The following SEMA3E variants were observed in gnomAD, a reference collection of about 807,000 sequenced individuals.
The protein encoded by SEMA3E is semaphorin-3E.
Under a neutral mutation model 93.6 loss-of-function variants are expected in SEMA3E, and 49 were observed. The observed-to-expected ratio is 0.52, with a 90% CI of 0.42 to 0.66. SEMA3E has a LOEUF of 0.66. Ranked by LOEUF, SEMA3E falls within the 30% of genes least tolerant of loss-of-function variation. SEMA3E has a pLI of 0.00. For synonymous variants in SEMA3E, 363 were observed against 330.7 expected (o/e 1.10, Z -1.06); for missense variants, 906 against 964.8 (o/e 0.94, Z 0.81).
chr7:83,582,724 T>A (rs1792539386), intron 1 of SEMA3E, among the ~76,000 whole-genome samples: 1 of 152,136 alleles, frequency 6.6e-6, no homozygotes, highest in Non-Finnish European at 1.5e-5. Flanking sequence ...ATCTCTCCTT[T>A]GAATTTTTTT....
chr7:83,494,824 C>G (rs2535379), intron 1 of SEMA3E, among the ~76,000 whole-genome samples: 132,873 of 151,868 alleles, frequency 0.87, 58,303 homozygotes, highest in South Asian at 0.95. Flanking sequence ...CCTGCATTTC[C>G]CAATTCAAAT....
chr7:83,510,208 A>T (rs1790789062), intron 1 of SEMA3E, among the ~76,000 whole-genome samples: 1 of 152,184 alleles, frequency 6.6e-6, no homozygotes, highest in African/African-American at 2.4e-5. Flanking sequence ...TCCATTTTTA[A>T]TTAAGCAAGT....
intron 5 of SEMA3E, among the ~76,000 whole-genome samples, chr7:83,415,841 C>T (rs1788528481): frequency 6.6e-6 from 1 of 151,950 alleles, no homozygotes; most frequent in African/African-American, 2.4e-5. Context: ...TATAATTAAC[C>T]ATGAAACTAA....
chr7:83,629,565 A>G lies in SEMA3E; in HGVS notation c.115+18863T>C, dbSNP rs1305004849. Among the ~76,000 whole-genome samples, 4 of 152,052 alleles carry G rather than the reference A, an allele frequency of 2.6e-5. No homozygotes were observed. In the South Asian group the frequency reaches 6.2e-4, roughly 24 times the overall value. On this transcript the variant is annotated intron_variant, in intron 1 of 16. Transcript: ENST00000643230. ...CTACGATGGGCTCTGCCCTATCTGA[A>G]TTTCCCGGTGGCTGTGTTTATACTG...
intron 1 of SEMA3E, among the ~76,000 whole-genome samples, chr7:83,641,657 T>G (rs1162890636): frequency 2.0e-5 from 3 of 152,236 alleles, no homozygotes; most frequent in African/African-American, 7.2e-5. Context: ...CTTCTAGTTA[T>G]CTACTCTAAT....
At chr7:83,444,765 G>A (rs1789190684) in intron 4 of SEMA3E, among the ~76,000 whole-genome samples, 1 of 151,684 alleles carries the variant, frequency 6.6e-6, no homozygotes, top group African/African-American at 2.4e-5. Context: ...CCGCCTCCGG[G>A]GTTCAAGTGA....
chr7:83,523,751 A>G (rs1791097093), intron 1 of SEMA3E, among the ~76,000 whole-genome samples: 1 of 152,086 alleles, frequency 6.6e-6, no homozygotes, highest in African/African-American at 2.4e-5. Context: ...TTTGGTGTCC[A>G]TACATTGTAT....
At chr7:83,600,087 T>C (rs1295922910) in intron 1 of SEMA3E, among the ~76,000 whole-genome samples, 1 of 152,196 alleles carries the variant, frequency 6.6e-6, no homozygotes, top group Non-Finnish European at 1.5e-5. Context: ...ACTTTTACTC[T>C]CTCATCCTTC....
At chr7:83,600,659 C>T (rs13311488) in intron 1 of SEMA3E, among the ~76,000 whole-genome samples, 1 of 151,706 alleles carries the variant, frequency 6.6e-6, no homozygotes, top group Non-Finnish European at 1.5e-5. Flanking sequence ...AATATTAATT[C>T]TTATAAGCAC....
chr7:83,526,122 G>A (rs1034374079), intron 1 of SEMA3E, among the ~76,000 whole-genome samples: 6 of 152,042 alleles, frequency 3.9e-5, no homozygotes, highest in African/African-American at 1.4e-4. Context: ...CAATGATAAT[G>A]ACAGCCTATA....
At chr7:83,493,616 G>A (rs1411884538) in intron 1 of SEMA3E, among the ~76,000 whole-genome samples, 1 of 151,816 alleles carries the variant, frequency 6.6e-6, no homozygotes, top group East Asian at 1.9e-4. Context: ...AAAGAAAAAT[G>A]CATTGAATGC....
chr7:83,571,957 C>T (rs1454191174), intron 1 of SEMA3E, among the ~76,000 whole-genome samples: 5 of 151,952 alleles, frequency 3.3e-5, no homozygotes, highest in Non-Finnish European at 7.4e-5. Flanking sequence ...CAATCAAGAA[C>T]ACAATCCCAC....
intron 4 of SEMA3E, among the ~76,000 whole-genome samples, chr7:83,435,160 G>A (rs989839236): frequency 3.9e-5 from 6 of 152,056 alleles, no homozygotes; most frequent in Non-Finnish European, 7.4e-5. Flanking sequence ...TCTCATTGAG[G>A]ATGCCACTTT....
chr7:83,561,331 A>G (rs1465502910), intron 1 of SEMA3E, among the ~76,000 whole-genome samples: 1 of 152,114 alleles, frequency 6.6e-6, no homozygotes, highest in Non-Finnish European at 1.5e-5. Flanking sequence ...TCTATTCTCC[A>G]TGTGCGATAA....
At chr7:83,403,315 A>G (rs2722978) in intron 9 of SEMA3E, among the ~76,000 whole-genome samples, 139,281 of 151,948 alleles carry the variant, frequency 0.92, 65,092 homozygotes, top group East Asian at 1. Flanking sequence ...GGTTCATGTA[A>G]ACTTTAATAT....
At chr7:83,596,024 A>G (rs1465772152) in intron 1 of SEMA3E, among the ~76,000 whole-genome samples, 1 of 151,982 alleles carries the variant, frequency 6.6e-6, no homozygotes, top group East Asian at 1.9e-4. Context: ...TATTTTCCTC[A>G]TTTCTTCTAC....
intron 1 of SEMA3E, among the ~76,000 whole-genome samples, chr7:83,594,207 T>G (rs577423114): frequency 6.6e-6 from 1 of 152,280 alleles, no homozygotes; most frequent in East Asian, 1.9e-4. Context: ...TTGTTTGCTT[T>G]TCATATAACA....
intron 4 of SEMA3E, among the ~76,000 whole-genome samples, chr7:83,421,916 G>C (rs775883667): frequency 6.6e-6 from 1 of 152,142 alleles, no homozygotes; most frequent in East Asian, 1.9e-4. Context: ...GGTGGCTCAC[G>C]CCTGTAATCC....
At chr7:83,397,210 T>G (rs1367555758) in intron 11 of SEMA3E, among the ~76,000 whole-genome samples, 1 of 152,110 alleles carries the variant, frequency 6.6e-6, no homozygotes, top group Non-Finnish European at 1.5e-5. Flanking sequence ...TTAGCAAAAT[T>G]AATTTTATAT....
Sources: allele counts gnomAD v4.1 joint callset (sites outside exome capture counted in the v4.1 genomes callset), GRCh38; gene constraint gnomAD v4.1.1; transcripts MANE v1.5; gene names NCBI Gene and HGNC (gene_info 2026-07-23, HGNC 2026-07-21).